The following RNASE9 variants were observed in gnomAD, a reference collection of about 807,000 sequenced individuals.
The protein encoded by RNASE9 is inactive ribonuclease-like protein 9.
For synonymous variants in RNASE9, 95 were observed against 87.6 expected (o/e 1.08, Z -0.47); for missense variants, 263 against 247.1 (o/e 1.06, Z -0.43).
rs1488129121 is a variant in RNASE9, at chr14:20,556,742, CAT to C, written c.326_327del (p.Tyr109Ter). 1 of 1,613,942 alleles carries C rather than the reference CAT, an allele frequency of 6.2e-7. No homozygotes were observed. Among genetic ancestry groups the C allele is most frequent in the Non-Finnish European group, 8.5e-7 (1 of 1,179,912 alleles). ...TTGTAACAGATTTTTTGGAGCTCGT[CAT>C]ATTGCATAAGAAGGAAGTAATGTTC... On this transcript the variant is annotated frameshift_variant, in exon 3 of 3. Transcript: ENST00000555230. LOFTEE classifies it low-confidence loss of function (END_TRUNC).
chr14:20,557,373 G>A (rs1005843688), exon 3 of RNASE9: 2 of 322,494 alleles, frequency 6.2e-6, no homozygotes, highest in Non-Finnish European at 1.1e-5. Context: ...AGGAAGAAAT[G>A]GAGCAAGAGA....
At chr14:20,558,360 GTGGGTGT>G (rs1266447602) in exon 3 of RNASE9, 1 of 654,798 alleles carries the variant, frequency 1.5e-6, no homozygotes, top group Non-Finnish European at 2.8e-6. Flanking sequence ...TTAAAGAAAG[GTGGGTGT>G]TGGGGAACAC....
At chr14:20,556,385 T>A in exon 3 of RNASE9, 1 of 1,187,754 alleles carries the variant, frequency 8.4e-7, no homozygotes, top group Non-Finnish European at 1.2e-6. Flanking sequence ...CATTCTCAAC[T>A]TTGATCTATA....
chr14:20,559,493 A>G (rs112075535), intron 2 of RNASE9, 89 bp downstream of exon 2: 8 of 152,054 alleles, frequency 5.3e-5, no homozygotes, highest in African/African-American at 1.9e-4. Context: ...GAGGGAGAAC[A>G]CAGAATAAAT....
exon 3 of RNASE9, chr14:20,557,347 G>A: frequency 2.7e-6 from 1 of 377,164 alleles, no homozygotes. Flanking sequence ...AAGGTAAGGA[G>A]GAAGAAAAGG....
chr14:20,556,767 T>C (rs1883711431), exon 3 of RNASE9: 1 of 1,613,882 alleles, frequency 6.2e-7, no homozygotes, highest in Admixed American at 1.7e-5. Context: ...GGAAGTAATG[T>C]TCTGCCACCC....
At chr14:20,558,831 T>A (rs776186616) in intron 2 of RNASE9, among the ~76,000 whole-genome samples, 135 of 152,358 alleles carry the variant, frequency 8.9e-4, no homozygotes, top group African/African-American at 3.0e-3. Context: ...CTTCTCAAAA[T>A]CCTTTCTCAT....
rs142154269 is a variant in RNASE9, at chr14:20,558,456, G to A, written c.-1387C>T. 651 of 913,544 alleles carry A rather than the reference G, an allele frequency of 7.1e-4. 3 individuals carry two copies. In the African/African-American group the frequency reaches 9.5e-3, roughly 13 times the overall value. 56.6% of individuals were successfully genotyped at this position (913,544 alleles called of 1,614,324 possible). A position where few individuals can be genotyped will look rare whatever the true frequency, so the allele number is the denominator to read the frequency against. ...AAAAGAAAAAGTTGCCTAAAATGGC[G>A]ATGTGAGAATGGGCACTCTGGGGCG... On this transcript the variant is annotated 5_prime_UTR_variant, in exon 3 of 3. Transcript: ENST00000555230.
intron 2 of RNASE9, chr14:20,558,698 GCTGTGGCC>G: frequency 1.0e-6 from 1 of 996,822 alleles, no homozygotes; most frequent in African/African-American, 1.6e-5. Context: ...AATTCAGGCA[GCTGTGGCC>G]CTGCCCTTTC....
In RNASE9 at chr14:20,559,566, A is replaced by G. The variant is rs1883870194; in HGVS notation, c.-1582+16T>C. The G allele has an allele frequency of 6.6e-6, 1 of 152,118 alleles. No individual in the cohort carries two copies. Among genetic ancestry groups the G allele is most frequent in the Admixed American group, 6.6e-5 (1 of 15,266 alleles). The allele number at this position is 152,118 out of a possible 1,614,324, so 9.4% of individuals were successfully genotyped here. On this transcript the variant is annotated intron_variant, in intron 2 of 2. Coordinates refer to ENST00000555230, the Ensembl canonical transcript of RNASE9. ...TTGCCTGGTAATCTCACACAGCAGA[A>G]ACGCCTCTGGCCTACCTGTGGAATG... is the stretch of plus-strand genomic sequence containing the variant.
exon 3 of RNASE9, chr14:20,558,531 C>T: frequency 6.5e-7 from 1 of 1,539,712 alleles, no homozygotes; most frequent in Admixed American, 2.0e-5. Flanking sequence ...CCCATCCCTG[C>T]TTTCACACTG....
At chr14:20,559,388 A>C (rs75071222) in intron 2 of RNASE9, among the ~76,000 whole-genome samples, 194 bp downstream of exon 2, 6,949 of 152,136 alleles carry the variant, frequency 0.046, 194 homozygotes, top group South Asian at 0.083. Flanking sequence ...AATGGGGATT[A>C]ACAGTAAATG....
chr14:20,556,511 C>T, exon 3 of RNASE9: 1 of 1,613,740 alleles, frequency 6.2e-7, no homozygotes, highest in African/African-American at 1.3e-5. Context: ...TCAGGTGGCT[C>T]CACGAGATCA....
exon 3 of RNASE9, chr14:20,558,081 A>G: frequency 4.2e-6 from 1 of 239,360 alleles, no homozygotes; most frequent in Non-Finnish European, 8.3e-6. Flanking sequence ...CCAGTGCTAA[A>G]ACGGAATTTG....
At position 20,557,218 on chromosome 14, in the gene RNASE9, T is replaced by C. The variant is rs150253106; in HGVS notation, c.-149A>G. The C allele has an allele frequency of 2.5e-4, 188 of 756,366 alleles. 1 individual carries two copies. Among genetic ancestry groups the C allele is most frequent in the Middle Eastern group, 2.4e-3 (9 of 3,700 alleles). The allele number at this position is 756,366 out of a possible 1,614,324, so 46.9% of individuals were successfully genotyped here. A position where few individuals can be genotyped will look rare whatever the true frequency, so the allele number is the denominator to read the frequency against. The stretch of plus-strand genomic sequence containing the variant: ...CCATTTTTAAATTACCAACTCATAA[T>C]CGATCTGAATACTTCTAAATTATTG... On this transcript the variant is annotated 5_prime_UTR_variant, in exon 3 of 3. Coordinates refer to ENST00000555230, the Ensembl canonical transcript of RNASE9.
chr14:20,556,220 T>C, exon 3 of RNASE9: 1 of 471,222 alleles, frequency 2.1e-6, no homozygotes, highest in Non-Finnish European at 3.8e-6. Context: ...CAGGCATCTG[T>C]ATCCGTAACA....
exon 3 of RNASE9, chr14:20,557,287 G>A: frequency 2.2e-6 from 1 of 462,548 alleles, no homozygotes; most frequent in East Asian, 3.1e-5. Context: ...TAGAGCTGTG[G>A]TAAGAGAAGA....
exon 3 of RNASE9, chr14:20,558,271 TG>T (rs1883792927): frequency 3.6e-6 from 2 of 558,526 alleles, no homozygotes; most frequent in Non-Finnish European, 6.4e-6. Flanking sequence ...CTATCAGTGA[TG>T]GAGATGGACA....
chr14:20,556,816 T>C, exon 3 of RNASE9: 1 of 1,613,990 alleles, frequency 6.2e-7, no homozygotes, highest in Non-Finnish European at 8.5e-7. Flanking sequence ...CATGATTTCA[T>C]GGTTACAGTA....
Sources: allele counts gnomAD v4.1 joint callset (sites outside exome capture counted in the v4.1 genomes callset), GRCh38; gene constraint gnomAD v4.1.1; transcripts MANE v1.5; gene names NCBI Gene and HGNC (gene_info 2026-07-23, HGNC 2026-07-21).